The following NCALD variants were observed in gnomAD, a reference collection of about 807,000 sequenced individuals.
The protein encoded by NCALD is neurocalcin delta, also known as neurocalcin-delta.
In NCALD, 10 loss-of-function variants were observed where a neutral mutation model predicts 18.6. That is an observed-to-expected ratio of 0.54 (90% CI 0.33 to 0.91). NCALD has a LOEUF of 0.91. Ranked by LOEUF, NCALD falls within the 40% of genes least tolerant of loss-of-function variation. The pLI, the probability that NCALD is intolerant of heterozygous loss-of-function variation, is 0.03. For missense variants in NCALD, 184 were observed against 247.6 expected (o/e 0.74, Z 1.72); for synonymous variants, 88 against 87.4 (o/e 1.01, Z -0.04).
chr8:101,752,853 C>T (rs556326019), intron 1 of NCALD, among the ~76,000 whole-genome samples: 3 of 152,066 alleles, frequency 2.0e-5, no homozygotes, highest in Non-Finnish European at 4.4e-5. Flanking sequence ...AAGAAGAAAA[C>T]TTTATTTAAC....
intron 4 of NCALD, among the ~76,000 whole-genome samples, chr8:101,853,465 G>A (rs61357295): frequency 0.38 from 57,623 of 151,724 alleles, 13,508 homozygotes; most frequent in African/African-American, 0.66. Flanking sequence ...TCAAAATATT[G>A]CAGTACTAAA....
chr8:101,791,408 C>T (rs1812440657), upstream of NCALD, among the ~76,000 whole-genome samples: 1 of 152,048 alleles, frequency 6.6e-6, no homozygotes, highest in South Asian at 2.1e-4. Context: ...GCCAATTAAA[C>T]TTATTTGCAA....
intron 2 of NCALD, among the ~76,000 whole-genome samples, chr8:101,982,800 C>T (rs999990041): frequency 6.6e-6 from 1 of 151,110 alleles, no homozygotes; most frequent in Non-Finnish European, 1.5e-5. Flanking sequence ...GTGATCACAC[C>T]ACTGCACTCC....
intron 2 of NCALD, among the ~76,000 whole-genome samples, chr8:101,932,727 T>C (rs1419427475): frequency 1.3e-5 from 2 of 152,058 alleles, no homozygotes; most frequent in African/African-American, 4.8e-5. Context: ...TCATTAGAGG[T>C]ACTGAGCACT....
intron 1 of NCALD, among the ~76,000 whole-genome samples, chr8:101,737,820 G>A (rs766500406): frequency 1.4e-4 from 21 of 152,152 alleles, no homozygotes; most frequent in Non-Finnish European, 1.9e-4. Flanking sequence ...TGAGAAAGGC[G>A]CTGGCATGTG....
At chr8:102,057,326 A>T (rs1057086219) in intron 1 of NCALD, among the ~76,000 whole-genome samples, 1 of 151,622 alleles carries the variant, frequency 6.6e-6, no homozygotes, top group Non-Finnish European at 1.5e-5. Context: ...CATCAGTCTG[A>T]CTCCTGTATC....
chr8:101,764,983 C>T (rs556872216), intron 1 of NCALD, among the ~76,000 whole-genome samples: 3 of 152,272 alleles, frequency 2.0e-5, no homozygotes, highest in African/African-American at 7.2e-5. Flanking sequence ...CCTCCTGCGG[C>T]AAGATCAGGC....
At chr8:101,760,636 T>C (rs1008399582) in intron 1 of NCALD, among the ~76,000 whole-genome samples, 3 of 152,180 alleles carry the variant, frequency 2.0e-5, no homozygotes, top group Non-Finnish European at 4.4e-5. Flanking sequence ...TTCTGTCAAG[T>C]CCATACAGCA....
intron 1 of NCALD, among the ~76,000 whole-genome samples, chr8:101,766,561 G>C (rs1811356127): frequency 6.6e-6 from 1 of 152,058 alleles, no homozygotes; most frequent in Admixed American, 6.6e-5. Flanking sequence ...ACTTTCATCA[G>C]TTTCCAAAGA....
At chr8:101,855,097 C>T (rs572681243) in intron 4 of NCALD, among the ~76,000 whole-genome samples, 11 of 152,118 alleles carry the variant, frequency 7.2e-5, no homozygotes, top group East Asian at 1.9e-4. Flanking sequence ...AGAGAAGACA[C>T]GTGGAAACAA....
At chr8:102,072,271 A>C (rs933096231) in intron 1 of NCALD, among the ~76,000 whole-genome samples, 1 of 152,220 alleles carries the variant, frequency 6.6e-6, no homozygotes, top group Non-Finnish European at 1.5e-5. Flanking sequence ...AGATGCATAC[A>C]TCAAATGATG....
chr8:101,826,671 C>T (rs903777869), intron 4 of NCALD, among the ~76,000 whole-genome samples: 1 of 152,110 alleles, frequency 6.6e-6, no homozygotes, highest in Non-Finnish European at 1.5e-5. Flanking sequence ...AGCAAGATGG[C>T]TCAGTCATAT....
chr8:101,841,790 C>T (rs1041261749), intron 4 of NCALD, among the ~76,000 whole-genome samples: 2 of 152,070 alleles, frequency 1.3e-5, no homozygotes, highest in African/African-American at 4.8e-5. Flanking sequence ...TATGAGCATG[C>T]AACATAATTC....
At chr8:101,950,776 C>T (rs1415156543) in intron 2 of NCALD, among the ~76,000 whole-genome samples, 1 of 152,210 alleles carries the variant, frequency 6.6e-6, no homozygotes, top group East Asian at 1.9e-4. Context: ...ATGGAACAGA[C>T]CTGATCTAAG....
intron 1 of NCALD, among the ~76,000 whole-genome samples, chr8:102,087,597 G>C (rs2132357965): frequency 6.6e-6 from 1 of 152,294 alleles, no homozygotes; most frequent in East Asian, 1.9e-4. Flanking sequence ...GATTTAGAGG[G>C]TCAGTAAAGT....
At chr8:102,056,797 A>G (rs1403170374) in intron 1 of NCALD, among the ~76,000 whole-genome samples, 1 of 152,270 alleles carries the variant, frequency 6.6e-6, no homozygotes. Context: ...CACCTCAGTT[A>G]GTGAGCAATT....
intron 1 of NCALD, among the ~76,000 whole-genome samples, chr8:102,056,069 T>A (rs576138911): frequency 6.6e-6 from 1 of 152,336 alleles, no homozygotes; most frequent in South Asian, 2.1e-4. Context: ...CCCGCCAGAT[T>A]CATTTCTAAA....
At chr8:101,982,840 C>CAAA (rs34445002) in intron 2 of NCALD, among the ~76,000 whole-genome samples, 1 of 112,354 alleles carries the variant, frequency 8.9e-6, no homozygotes, top group Non-Finnish European at 2.0e-5. Flanking sequence ...GACCCCATCT[C>CAAA]AAAAAAAAAA....
chr8:102,018,082 C>CAAGTGCT (rs2132090729), intron 2 of NCALD, among the ~76,000 whole-genome samples: 1 of 152,220 alleles, frequency 6.6e-6, no homozygotes, highest in African/African-American at 2.4e-5. Flanking sequence ...ATGATAATAC[C>CAAGTGCT]AAGTGCTAGA....
Sources: gnomAD v4.1 joint callset for allele counts (sites outside exome capture counted in the v4.1 genomes callset) on GRCh38, gnomAD v4.1.1 for gene constraint, MANE v1.5 for transcripts, NCBI Gene and HGNC (gene_info 2026-07-23, HGNC 2026-07-21) for gene names.